ZNF331: variants seen among roughly 807,000 people sequenced by gnomAD.
ZNF331 encodes the protein C2H2-like zinc finger protein rearranged in thyroid adenomas.
Under a neutral mutation model 7.0 loss-of-function variants are expected in ZNF331, and 2 were observed. That is an observed-to-expected ratio of 0.29 (90% CI 0.12 to 0.90). The LOEUF is 0.90. Among genes scored for constraint, ZNF331 ranks in the 40% least tolerant of loss-of-function variants. ZNF331 has a pLI of 0.58. For missense variants in ZNF331, 432 were observed against 587.7 expected, an observed-to-expected ratio of 0.74 and a Z score of 2.74; for synonymous variants, 196 against 205.4, an observed-to-expected ratio of 0.95 and a Z score of 0.39.
intron 2 of ZNF331, among the ~76,000 whole-genome samples, chr19:53,549,250 A>G (rs539083622): frequency 1.3e-5 from 2 of 152,130 alleles, no homozygotes; most frequent in African/African-American, 4.8e-5. Context: ...GTTGACCATG[A>G]GTTTGGATTT....
chr19:53,523,819 G>T (rs927585175), intron 2 of ZNF331, among the ~76,000 whole-genome samples: 1 of 151,948 alleles, frequency 6.6e-6, no homozygotes, highest in Non-Finnish European at 1.5e-5. Context: ...CAATATGCAG[G>T]TTTAATCCAT....
At chr19:53,519,941 G>C (rs2030686841), upstream of ZNF331, among the ~76,000 whole-genome samples, 1 of 152,170 alleles carries the variant, frequency 6.6e-6, no homozygotes, top group Non-Finnish European at 1.5e-5. Context: ...GTATTTCCAA[G>C]AACGCTCTGG....
chr19:53,550,298 C>T (rs985027011), intron 2 of ZNF331, among the ~76,000 whole-genome samples: 4 of 152,040 alleles, frequency 2.6e-5, no homozygotes, highest in Admixed American at 6.6e-5. Flanking sequence ...ATTTTCTGTC[C>T]GAATGATCTT....
chr19:53,559,422 TAC>T lies in ZNF331; in HGVS notation c.-74+3523_-74+3524del, dbSNP rs560932419. On this transcript the variant is annotated intron_variant, in intron 3 of 5. Transcript: ENST00000449416. ...TACATATATACACACATACACATCGTACACACACACCATATATACATATATAC... is the reference window on the plus strand; with the variant it reads ...TACATATATACACACATACACATCGTACACACACCATATATACATATATAC... Among the ~76,000 whole-genome samples, 365 of 147,724 alleles carry T rather than the reference TAC, an allele frequency of 2.5e-3. 3 individuals carry two copies. Among genetic ancestry groups the T allele is most frequent in the African/African-American group, 8.6e-3 (341 of 39,736 alleles).
chr19:53,549,809 AT>A (rs1373255812), intron 2 of ZNF331, among the ~76,000 whole-genome samples: 1 of 149,680 alleles, frequency 6.7e-6, no homozygotes, highest in African/African-American at 2.5e-5. Context: ...TTTAGACTCC[AT>A]TTGTTCATTT....
rs1351608627 is a variant in ZNF331, at chr19:53,559,991, T to TATATACACACAC, written c.-74+4090_-74+4101dup. Among the ~76,000 whole-genome samples the TATATACACACAC allele has an allele frequency of 1.8e-3, 269 of 147,800 alleles. 3 individuals carry two copies. The highest frequency in any genetic ancestry group is 6.5e-3 in the African/African-American group (257 of 39,830). ...CCCGTACACATATATACACACACCA[T>TATATACACACAC]ATATACACACACATATACGCACACA... is the stretch of plus-strand genomic sequence containing the variant. On this transcript the variant is annotated intron_variant, in intron 3 of 5. Transcript: ENST00000449416.
rs1032058962 is a variant in ZNF331 at position 53,530,359 on chromosome 19, A to G, written c.-205+7675A>G. Among the ~76,000 whole-genome samples, 3 of 101,374 alleles carry G rather than the reference A, an allele frequency of 3.0e-5. No individual in the cohort carries two copies. The East Asian group carries it at 8.6e-4, about 29-fold the overall frequency. The allele number at this position is 101,374 out of a possible 152,430, so 66.5% of individuals were successfully genotyped here. A position where few individuals can be genotyped will look rare whatever the true frequency, so the allele number is the denominator to read the frequency against. On this transcript the variant is annotated intron_variant, in intron 2 of 6. Transcript: ENST00000253144. ...CACTGGGGATGACAGTTCACCTCCC[A>G]CCAGGCCCCACCTCCAGCACTGGGG... is the stretch of plus-strand genomic sequence containing the variant.
rs1293439833 is a variant in ZNF331, at chr19:53,558,536, A to C, written c.-74+2628A>C. On this transcript the variant is annotated intron_variant, in intron 3 of 5. Transcript: ENST00000449416. The surrounding 1 kb of genome is among the most constrained non-coding windows in gnomAD (Gnocchi z 4.5). ...ACAAATAAGAGTTGATTTAATGCTA[A>C]TTGATTGAGTGGGGAAACTCAAGGC... Among the ~76,000 whole-genome samples the C allele has an allele frequency of 6.6e-6, 1 of 152,044 alleles. No homozygotes were observed. Among genetic ancestry groups the C allele is most frequent in the Non-Finnish European group, 1.5e-5 (1 of 67,996 alleles).
In ZNF331 at chr19:53,544,402, G is replaced by A. The variant is rs187237875; in HGVS notation, c.-138+5120G>A. ...CTACTAAAAATACAAAAAATTAGCC[G>A]GGCGAGGTAGTGGGCACCTGTAGTC... is the stretch of plus-strand genomic sequence containing the variant. On this transcript the variant is annotated intron_variant, in intron 2 of 5. Transcript: ENST00000449416. Among the ~76,000 whole-genome samples the A allele has an allele frequency of 1.4e-3, 210 of 149,106 alleles. 1 individual carries two copies. Among genetic ancestry groups the A allele is most frequent in the Middle Eastern group, 3.4e-3 (1 of 290 alleles).
rs1035474186 is a variant in ZNF331 at position 53,558,116 on chromosome 19, C to G, written c.-74+2208C>G. The stretch of plus-strand genomic sequence containing the variant: ...TGAGCAAGACTGTCCCACTCTGCCC[C>G]ACTAGCCACAAGACCAGGCCTCTGG... On this transcript the variant is annotated intron_variant, in intron 3 of 5. Coordinates refer to ENST00000449416, the MANE Select transcript of ZNF331 (RefSeq NM_001079906.2). This position sits in a 1 kb window ranked among gnomAD's most constrained non-coding sequence, Gnocchi z 4.5. 6.6e-6 allele frequency among the ~76,000 whole-genome samples: 1 copy of G among 152,288 alleles called. No homozygotes were observed. Among genetic ancestry groups the G allele is most frequent in the East Asian group, 1.9e-4 (1 of 5,188 alleles).
At chr19:53,533,829 C>T (rs777098747), upstream of ZNF331, among the ~76,000 whole-genome samples, 3 of 152,088 alleles carry the variant, frequency 2.0e-5, no homozygotes, top group African/African-American at 7.2e-5. Flanking sequence ...GGAGCTGGGG[C>T]GACAACTCAC....
intron 2 of ZNF331, among the ~76,000 whole-genome samples, chr19:53,553,193 C>A (rs1030223731): frequency 6.6e-6 from 1 of 151,358 alleles, no homozygotes; most frequent in African/African-American, 2.4e-5. Context: ...TTTCCTCTAT[C>A]TTCTGCAAGA....
exon 1 of ZNF331, chr19:53,521,329 T>TGAGTGA (rs993914531): frequency 3.2e-5 from 3 of 92,712 alleles, no homozygotes; most frequent in Non-Finnish European, 6.3e-5. Flanking sequence ...GGAGTGTGTG[T>TGAGTGA]GAGTGTGTGT....
chr19:53,513,208 C>T, the ZNF331 span, among the ~76,000 whole-genome samples: 6 of 151,960 alleles, frequency 3.9e-5, no homozygotes, highest in South Asian at 4.2e-4. Context: ...TGTGTTTATC[C>T]GTGCATCATG....
At chr19:53,513,095 G>C in the ZNF331 span, among the ~76,000 whole-genome samples, 1 of 151,354 alleles carries the variant, frequency 6.6e-6, no homozygotes, top group Non-Finnish European at 1.5e-5. Flanking sequence ...CCTCAGCTTT[G>C]GTAATGGAAA....
chr19:53,561,988 A>C (rs2089912502), intron 3 of ZNF331, among the ~76,000 whole-genome samples: 1 of 152,060 alleles, frequency 6.6e-6, no homozygotes, highest in Non-Finnish European at 1.5e-5. Flanking sequence ...TCTCTACAAA[A>C]AATACAAAAA....
intron 3 of ZNF331, among the ~76,000 whole-genome samples, chr19:53,562,936 C>T (rs2089968229): frequency 6.6e-6 from 1 of 151,184 alleles, no homozygotes; most frequent in Non-Finnish European, 1.5e-5. Context: ...TGCAGTGAGT[C>T]GAGATTGCGC....
chr19:53,548,255 G>C lies in ZNF331; in HGVS notation c.-137-7590G>C, dbSNP rs865785414. Among the ~76,000 whole-genome samples, 8 of 151,682 alleles carry C rather than the reference G, an allele frequency of 5.3e-5. No individual in the cohort carries two copies. The East Asian group carries it at 1.2e-3, about 22-fold the overall frequency. ...TCCGAGTAGCTGGGATTACAGGCGC[G>C]TGCCACCACGCCCGGCTAATTTTTT... On this transcript the variant is annotated intron_variant, in intron 2 of 5. Transcript: ENST00000449416.
Position 53,573,117 on chromosome 19 carries a change from G to A in ZNF331, c.136+1387G>A, listed in dbSNP as rs932219066. Reference sequence around the variant, plus strand: ...GCCTGTGATCTCAGCTACTCCGGAGGCTGGTGCAGGAGAATCATTTGAACC... The same window carrying A: ...GCCTGTGATCTCAGCTACTCCGGAGACTGGTGCAGGAGAATCATTTGAACC... On this transcript the variant is annotated intron_variant, in intron 5 of 5. Coordinates refer to ENST00000449416, the MANE Select transcript of ZNF331 (RefSeq NM_001079906.2). The surrounding 1 kb of genome is among the most constrained non-coding windows in gnomAD (Gnocchi z 4.2). 6.6e-6 allele frequency among the ~76,000 whole-genome samples: 1 copy of A among 152,114 alleles called. No homozygotes were observed. Among genetic ancestry groups the A allele is most frequent in the African/African-American group, 2.4e-5 (1 of 41,424 alleles).
Sources: gnomAD v4.1 joint callset for allele counts (sites outside exome capture counted in the v4.1 genomes callset) on GRCh38, gnomAD v4.1.1 for gene constraint, Gnocchi (gnomAD v3.1) non-coding constraint, MANE v1.5 for transcripts, NCBI Gene and HGNC (gene_info 2026-07-23, HGNC 2026-07-21) for gene names.